Variants in SLC25A19 observed in about 807,000 individuals in gnomAD.
The protein encoded by SLC25A19 is mitochondrial thiamine pyrophosphate carrier.
In SLC25A19, 18 loss-of-function variants were observed where a neutral mutation model predicts 27.9. The observed-to-expected ratio is 0.64, with a 90% CI of 0.45 to 0.96. SLC25A19 has a LOEUF of 0.96. Among genes scored for constraint, SLC25A19 ranks in the 40% least tolerant of loss-of-function variants. SLC25A19 has a pLI of 0.00. For missense variants in SLC25A19, 371 were observed against 418.3 expected (o/e 0.89, Z 0.99); for synonymous variants, 169 against 167.1 (o/e 1.01, Z -0.09).
At chr17:75,274,973 CTTTTTTTTTTTTTT>C (rs67040059) in intron 7 of SLC25A19, among the ~76,000 whole-genome samples, 35 of 47,172 alleles carry the variant, frequency 7.4e-4, no homozygotes, top group South Asian at 2.2e-3. Context: ...GGATTTTGGT[CTTTTTTTTTTTTTT>C]TTTTTTTTTT....
At chr17:75,288,364 G>A (rs1483156857) in intron 2 of SLC25A19, 138 bp downstream of exon 2, 1 of 152,052 alleles carries the variant, frequency 6.6e-6, no homozygotes, top group Non-Finnish European at 1.5e-5. Context: ...CTGAAATACA[G>A]CCCCACTCTC....
Position 75,277,466 on chromosome 17 carries a change from G to A in SLC25A19, c.661C>T (p.Leu221Phe). 1 of 1,614,034 alleles carries A rather than the reference G, an allele frequency of 6.2e-7. No homozygotes were observed. The highest frequency in any genetic ancestry group is 8.5e-7 in the Non-Finnish European group (1 of 1,179,970). ...GKKNENLQNL[L>F]CGSGAGVISK... ...ATGACACCAGCTCCACTGCCACAAA[G>A]CAGGTTTTGGAGGTTCTCTGAACCA... The change falls in exon 7 of 8, where the codon CTT (leucine) becomes TTT (phenylalanine). Residue 221 changes from leucine to phenylalanine, a missense_variant. Transcript: ENST00000416858.
intron 7 of SLC25A19, 85 bp downstream of exon 7, chr17:75,277,268 A>G (rs2077913479): frequency 7.7e-6 from 12 of 1,566,178 alleles, no homozygotes; most frequent in Admixed American, 1.7e-5. Context: ...GATGTTGCCC[A>G]ATGGGTAGGA....
chr17:75,281,508 C>T (rs2145761729), intron 5 of SLC25A19, among the ~76,000 whole-genome samples: 1 of 152,062 alleles, frequency 6.6e-6, no homozygotes, highest in East Asian at 1.9e-4. Context: ...ACCAGCCTGG[C>T]CGACATGGTG....
At chr17:75,284,051 T>G (rs553249423) in intron 4 of SLC25A19, among the ~76,000 whole-genome samples, 3 of 151,120 alleles carry the variant, frequency 2.0e-5, no homozygotes, top group Non-Finnish European at 4.4e-5. Flanking sequence ...GAGGCAGAGC[T>G]GCACTGAGCC....
chr17:75,276,615 G>C (rs974644137), intron 7 of SLC25A19, among the ~76,000 whole-genome samples: 2 of 149,592 alleles, frequency 1.3e-5, no homozygotes, highest in Admixed American at 6.7e-5. Flanking sequence ...TGATCCACTC[G>C]TCTCGGCCTC....
At chr17:75,273,687 T>A in intron 7 of SLC25A19, 48 bp from the exon 8 acceptor site, 3 of 1,543,356 alleles carry the variant, frequency 1.9e-6, no homozygotes, top group Non-Finnish European at 1.8e-6. Context: ...TCTGCTCCCA[T>A]CAACACAGCC....
At chr17:75,288,300 C>T (rs567499988) in intron 2 of SLC25A19, 1 of 152,200 alleles carries the variant, frequency 6.6e-6, no homozygotes. Flanking sequence ...TCCTGGAAAA[C>T]TCGGGGAGCA....
chr17:75,277,189 C>T, intron 7 of SLC25A19, among the ~76,000 whole-genome samples, 164 bp downstream of exon 7: 1 of 151,838 alleles, frequency 6.6e-6, no homozygotes, highest in Non-Finnish European at 1.5e-5. Context: ...CCAGGGCTTG[C>T]ATGCAGCTTT....
intron 4 of SLC25A19, among the ~76,000 whole-genome samples, chr17:75,285,416 G>T (rs781661460): frequency 6.6e-6 from 1 of 152,176 alleles, no homozygotes; most frequent in Non-Finnish European, 1.5e-5. Flanking sequence ...TCCAGCCCAC[G>T]CCTGGCTTCT....
At chr17:75,278,707 C>T (rs1400437240) in intron 5 of SLC25A19, among the ~76,000 whole-genome samples, 1 of 152,084 alleles carries the variant, frequency 6.6e-6, no homozygotes, top group Non-Finnish European at 1.5e-5. Flanking sequence ...TGAGGCCAGG[C>T]GCGGTGGCTC....
chr17:75,273,555 G>A lies in SLC25A19; in HGVS notation c.859C>T (p.Pro287Ser), dbSNP rs1285453281. Residue 287 changes from proline to serine, a missense_variant, in exon 8 of 8, where the codon CCC (proline) becomes TCC (serine). Physicochemically the swap from Pro to Ser is moderately conservative, Grantham distance 74 (BLOSUM62 -1). Transcript: ENST00000416858. ...GALGFFKGLS[P>S]SLLKAALSTG... ...GAGAGGGCAGCCTTCAGCAAGCTGG[G>A]GGACAGGCCCTTGAAGAAGCCCAGG... 1.2e-6 allele frequency: 2 copies of A among 1,614,140 alleles called. No homozygotes were observed. The highest frequency in any genetic ancestry group is 1.1e-5 in the South Asian group (1 of 91,080).
At chr17:75,276,820 GC>G (rs1259342297) in intron 7 of SLC25A19, among the ~76,000 whole-genome samples, 4 of 145,794 alleles carry the variant, frequency 2.7e-5, no homozygotes, top group Non-Finnish European at 6.0e-5. Context: ...GACTACACGT[GC>G]CCACCACCAC....
chr17:75,282,535 G>A (rs1205929590), intron 5 of SLC25A19, among the ~76,000 whole-genome samples: 2 of 151,332 alleles, frequency 1.3e-5, no homozygotes, highest in Admixed American at 6.6e-5. Flanking sequence ...GGCAATAAGA[G>A]CGAGACTCCG....
chr17:75,280,334 A>G (rs573102302), intron 5 of SLC25A19, among the ~76,000 whole-genome samples: 1 of 151,412 alleles, frequency 6.6e-6, no homozygotes, highest in East Asian at 2.0e-4. Flanking sequence ...TCATACCCCT[A>G]TACTTCAGCC....
chr17:75,275,945 T>C (rs2077874671), intron 7 of SLC25A19, among the ~76,000 whole-genome samples: 1 of 151,312 alleles, frequency 6.6e-6, no homozygotes, highest in African/African-American at 2.4e-5. Flanking sequence ...CACTCCAGCC[T>C]GGGCAAAAGA....
intron 7 of SLC25A19, among the ~76,000 whole-genome samples, chr17:75,277,065 A>C (rs577454369): frequency 2.6e-5 from 4 of 151,636 alleles, no homozygotes; most frequent in South Asian, 4.2e-4. Context: ...TGGAGTCAGG[A>C]GGGTTCAAGA....
chr17:75,273,743 T>C, intron 7 of SLC25A19, 104 bp from the exon 8 acceptor site: 1 of 1,149,764 alleles, frequency 8.7e-7, no homozygotes, highest in Non-Finnish European at 1.3e-6. Context: ...GACAAAGAAA[T>C]GAATGCAAAA....
chr17:75,277,872 A>C (rs1463882880), intron 6 of SLC25A19, among the ~76,000 whole-genome samples: 3 of 151,856 alleles, frequency 2.0e-5, no homozygotes, highest in Non-Finnish European at 4.4e-5. Flanking sequence ...TCAACCAAAA[A>C]ACAAGCAATT....
Sources: allele counts gnomAD v4.1 joint callset (sites outside exome capture counted in the v4.1 genomes callset), GRCh38; gene constraint gnomAD v4.1.1; transcripts MANE v1.5; gene names NCBI Gene and HGNC (gene_info 2026-07-23, HGNC 2026-07-21).